NMT2: variants seen among roughly 807,000 people sequenced by gnomAD.
NMT2 encodes N-myristoyltransferase 2.
NMT2 carries 35 observed loss-of-function variants against 65.4 expected under a neutral mutation model. The ratio of observed to expected loss-of-function variants is 0.54; its 90% confidence interval spans 0.41 to 0.71. NMT2 has a LOEUF of 0.71. NMT2 is among the 30% of genes least tolerant of loss of function. The pLI is 0.00. For missense variants in NMT2, 489 were observed against 611.3 expected (o/e 0.80, Z 2.11); for synonymous variants, 226 against 231.8 (o/e 0.98, Z 0.23).
intron 1 of NMT2, among the ~76,000 whole-genome samples, chr10:15,149,619 C>G (rs924372961): frequency 1.0e-4 from 15 of 143,502 alleles, no homozygotes; most frequent in African/African-American, 3.5e-4. Flanking sequence ...ATCATCACCA[C>G]AGCAGGCAAC....
chr10:15,107,143 A>G lies in NMT2; in HGVS notation c.*2052T>C, dbSNP rs991767274. On this transcript the variant is annotated 3_prime_UTR_variant, in exon 12 of 12. Transcript: ENST00000378165. ...AAAAAAAAAAGTATGGCTATGTTCC[A>G]ATAAAACCTTATTGAGGGACACCGG... Among the ~76,000 whole-genome samples the G allele has an allele frequency of 6.6e-6, 1 of 151,984 alleles. No individual in the cohort carries two copies. The highest frequency in any genetic ancestry group is 2.4e-5 in the African/African-American group (1 of 41,396).
Position 15,115,629 on chromosome 10 carries a change from A to G in NMT2, c.1171-2666T>C, listed in dbSNP as rs150660594. Among the ~76,000 whole-genome samples, 134 of 152,350 alleles carry G rather than the reference A, an allele frequency of 8.8e-4. 2 individuals carry two copies. The East Asian group carries it at 0.024, about 28-fold the overall frequency. ...TAATCACCTTTTATGTAAGTGGTCT[A>G]AATACACCAATCAAAAGAAACATCA... On this transcript the variant is annotated intron_variant, in intron 9 of 11. Transcript: ENST00000378165.
chr10:15,140,345 AAC>A (rs1846701888), intron 2 of NMT2, among the ~76,000 whole-genome samples: 3 of 152,086 alleles, frequency 2.0e-5, no homozygotes, highest in Admixed American at 2.0e-4. Flanking sequence ...GCTGGTCTTG[AAC>A]TCCTGGGCTC....
Position 15,135,429 on chromosome 10 carries a change from A to G in NMT2, c.247-11T>C. ...TGGAACACTGGGATTCTACGACAGC[A>G]AAGACAGACACAGAATATGAGAGAG... On this transcript the variant is annotated splice_polypyrimidine_tract_variant and intron_variant, in intron 2 of 11. Coordinates refer to ENST00000378165, the MANE Select transcript of NMT2 (RefSeq NM_004808.3). The G allele has an allele frequency of 6.2e-7, 1 of 1,613,616 alleles. No homozygotes were observed. Among genetic ancestry groups the G allele is most frequent in the South Asian group, 1.1e-5 (1 of 91,054 alleles).
chr10:15,160,128 C>G (rs1382921451), intron 1 of NMT2, among the ~76,000 whole-genome samples: 1 of 152,178 alleles, frequency 6.6e-6, no homozygotes, highest in East Asian at 1.9e-4. Flanking sequence ...ACAAATTCCT[C>G]TTGGTGAACA....
downstream of NMT2, among the ~76,000 whole-genome samples, chr10:15,105,700 T>C (rs552755693): frequency 5.3e-4 from 80 of 152,344 alleles, no homozygotes; most frequent in South Asian, 1.9e-3. Flanking sequence ...AGATACCTTA[T>C]TGAATAGAAC....
chr10:15,116,185 A>G (rs1242430137), intron 9 of NMT2, among the ~76,000 whole-genome samples: 2 of 152,216 alleles, frequency 1.3e-5, no homozygotes, highest in African/African-American at 4.8e-5. Context: ...GAGTAATAAA[A>G]CAAACCTCAA....
intron 1 of NMT2, among the ~76,000 whole-genome samples, chr10:15,158,685 A>G (rs111520908): frequency 6.6e-6 from 1 of 152,266 alleles, no homozygotes; most frequent in African/African-American, 2.4e-5. Flanking sequence ...ACATGTTTTG[A>G]GGTGTGTCTT....
chr10:15,108,455 G>A lies in NMT2; in HGVS notation c.*740C>T, dbSNP rs184121254. 1.0e-6 allele frequency: 1 copy of A among 965,480 alleles called. No individual in the cohort carries two copies. Among genetic ancestry groups the A allele is most frequent in the African/African-American group, 1.8e-5 (1 of 56,832 alleles). 59.8% of individuals were successfully genotyped at this position (965,480 alleles called of 1,614,324 possible). On this transcript the variant is annotated 3_prime_UTR_variant, in exon 12 of 12. Transcript: ENST00000378165. ...CCACCTTGGCCTCCCAAAGTGCTGG[G>A]ATTACAGGCGTGAGCCACCACGCCC...
Position 15,109,842 on chromosome 10 carries a change from G to T in NMT2, c.1339-3C>A. ...GCATTGAATACATCAAATCCTTTCT[G>T]CCAATTTAAAAAAGATTTAAAATTT... is the stretch of plus-strand genomic sequence containing the variant. On this transcript the variant is annotated splice_polypyrimidine_tract_variant and splice_region_variant and intron_variant, in intron 10 of 11. Transcript: ENST00000378165. The T allele has an allele frequency of 6.3e-7, 1 of 1,593,302 alleles. No homozygotes were observed. Among genetic ancestry groups the T allele is most frequent in the Non-Finnish European group, 8.5e-7 (1 of 1,173,030 alleles).
intron 8 of NMT2, among the ~76,000 whole-genome samples, chr10:15,124,206 A>T (rs1034090989): frequency 1.3e-5 from 2 of 152,208 alleles, no homozygotes; most frequent in Admixed American, 6.5e-5. Context: ...ACTTGGAAAT[A>T]CTCAACACCA....
At position 15,108,829 on chromosome 10, in the gene NMT2, A is replaced by T; in HGVS notation, c.*366T>A. 9.5e-7 allele frequency: 1 copy of T among 1,052,924 alleles called. No individual in the cohort carries two copies. The highest frequency in any genetic ancestry group is 1.1e-6 in the Non-Finnish European group (1 of 874,172). 65.2% of individuals were successfully genotyped at this position (1,052,924 alleles called of 1,614,324 possible). The stretch of plus-strand genomic sequence containing the variant: ...CAGAAATGCAGCAATTTCTCTCCAC[A>T]CAATAGCAAAGATTTTCTTACATGA... On this transcript the variant is annotated 3_prime_UTR_variant, in exon 12 of 12. Coordinates refer to ENST00000378165, the MANE Select transcript of NMT2 (RefSeq NM_004808.3).
chr10:15,159,062 AGGTCTCACCAAAGGTGT>A lies in NMT2; in HGVS notation c.110+9424_110+9440del, dbSNP rs1833099757. 1.3e-5 allele frequency among the ~76,000 whole-genome samples: 2 copies of A among 152,214 alleles called. 1 individual carries two copies. The highest frequency in any genetic ancestry group is 4.1e-4 in the South Asian group (2 of 4,836). ...TTCCCTGAAAACTCCCTTTGCCCAC[AGGTCTCACCAAAGGTGT>A]GGCCCTCAGTGGCCATGTTGTACCA... On this transcript the variant is annotated intron_variant, in intron 1 of 11. Coordinates refer to ENST00000378165, the MANE Select transcript of NMT2 (RefSeq NM_004808.3).
chr10:15,150,605 G>A (rs1373277561), intron 1 of NMT2, among the ~76,000 whole-genome samples: 2 of 152,086 alleles, frequency 1.3e-5, no homozygotes, highest in South Asian at 2.1e-4. Context: ...TCTGTGCAAA[G>A]CAGTAAGTCA....
At chr10:15,160,367 G>A (rs1833146338) in intron 1 of NMT2, among the ~76,000 whole-genome samples, 4 of 152,296 alleles carry the variant, frequency 2.6e-5, no homozygotes, top group Middle Eastern at 3.4e-3. Flanking sequence ...GGCACAAGGA[G>A]CCCGGTGATG....
In NMT2 at chr10:15,131,590, G is replaced by C. The variant is rs142542465; in HGVS notation, c.719+1227C>G. On this transcript the variant is annotated intron_variant, in intron 6 of 11. Transcript: ENST00000378165. The stretch of plus-strand genomic sequence containing the variant: ...GAGGGGCTTTGAGCAGACCAGAGCT[G>C]GTGCGCTCTGAACTACAGTAAACCT... 6.9e-3 allele frequency among the ~76,000 whole-genome samples: 1,057 copies of C among 152,230 alleles called. 8 individuals are homozygous for C. The highest frequency in any genetic ancestry group is 0.01 in the Non-Finnish European group (710 of 68,012).
intron 1 of NMT2, among the ~76,000 whole-genome samples, chr10:15,147,008 A>G (rs148320150): frequency 6.8e-6 from 1 of 147,832 alleles, no homozygotes; most frequent in African/African-American, 2.5e-5. Flanking sequence ...TGGGAGGATC[A>G]CCTGAGCCCA....
chr10:15,149,664 C>A (rs1376686231), intron 1 of NMT2, among the ~76,000 whole-genome samples: 1 of 151,736 alleles, frequency 6.6e-6, no homozygotes, highest in Non-Finnish European at 1.5e-5. Flanking sequence ...AGGCACTGTA[C>A]CAAGCACCCT....
intron 1 of NMT2, among the ~76,000 whole-genome samples, chr10:15,145,354 G>C (rs1247964611): frequency 1.3e-5 from 2 of 152,088 alleles, no homozygotes; most frequent in African/African-American, 4.8e-5. Flanking sequence ...TAAGCTAAAA[G>C]CTGCTGAATG....
Sources: allele counts gnomAD v4.1 joint callset (sites outside exome capture counted in the v4.1 genomes callset), GRCh38; gene constraint gnomAD v4.1.1; transcripts MANE v1.5; gene names NCBI Gene and HGNC (gene_info 2026-07-23, HGNC 2026-07-21).